Variants in RBFOX1 observed in about 807,000 individuals in gnomAD.
RBFOX1 encodes RNA binding fox-1 homolog 1.
A neutral mutation model predicts 57.7 loss-of-function variants in RBFOX1; 8 were observed. That is an observed-to-expected ratio of 0.14 (90% CI 0.08 to 0.25). The LOEUF is 0.25. Among genes scored for constraint, RBFOX1 ranks in the 10% least tolerant of loss-of-function variants. RBFOX1 has a pLI of 1.00. For synonymous variants in RBFOX1, 326 were observed against 222.4 expected (o/e 1.47, Z -4.15); for missense variants, 611 against 548.5 (o/e 1.11, Z -1.14).
At chr16:7,276,782 G>C (rs7202295) in intron 4 of RBFOX1, among the ~76,000 whole-genome samples, 19,917 of 152,188 alleles carry the variant, frequency 0.13, 1,594 homozygotes, top group Middle Eastern at 0.22. Context: ...ATAAAATACT[G>C]ATTATGCTAC....
chr16:5,826,976 C>G (rs1223859659), intron 3 of RBFOX1, among the ~76,000 whole-genome samples: 4 of 152,158 alleles, frequency 2.6e-5, no homozygotes, highest in Admixed American at 2.0e-4. Flanking sequence ...TCTAGTGCAC[C>G]TTCAATGACA....
chr16:6,217,451 C>A (rs2097343176), intron 1 of RBFOX1, among the ~76,000 whole-genome samples: 2 of 152,072 alleles, frequency 1.3e-5, no homozygotes, highest in African/African-American at 4.8e-5. Context: ...ATTATCGGGA[C>A]CTTCCTGGGA....
chr16:5,450,622 G>T (rs2068394162), intron 1 of RBFOX1, among the ~76,000 whole-genome samples: 1 of 152,174 alleles, frequency 6.6e-6, no homozygotes, highest in Non-Finnish European at 1.5e-5. Flanking sequence ...CTCCACAGGG[G>T]GATCTCAGTG....
intron 4 of RBFOX1, among the ~76,000 whole-genome samples, chr16:7,142,696 A>G (rs2074086945): frequency 6.6e-6 from 1 of 152,184 alleles, no homozygotes; most frequent in Non-Finnish European, 1.5e-5. Flanking sequence ...TGTCTTTAAT[A>G]TGTGTCTCCC....
At chr16:5,453,787 T>C (rs1250957593) in intron 1 of RBFOX1, among the ~76,000 whole-genome samples, 1 of 152,214 alleles carries the variant, frequency 6.6e-6, no homozygotes, top group Non-Finnish European at 1.5e-5. Context: ...ATATAATTGA[T>C]ATCCTGACTA....
chr16:7,035,829 CAT>C (rs968646762), intron 3 of RBFOX1, among the ~76,000 whole-genome samples: 9 of 152,052 alleles, frequency 5.9e-5, no homozygotes, highest in Admixed American at 1.3e-4. Flanking sequence ...TTGTGTGAAG[CAT>C]ATGTCTTCCA....
chr16:6,508,193 A>T (rs556798938), intron 2 of RBFOX1, among the ~76,000 whole-genome samples: 1 of 152,120 alleles, frequency 6.6e-6, no homozygotes, highest in Admixed American at 6.5e-5. Context: ...GAGTGAAACA[A>T]CACATCCTGG....
At chr16:5,907,665 C>T (rs1046496010) in intron 4 of RBFOX1, among the ~76,000 whole-genome samples, 5 of 152,056 alleles carry the variant, frequency 3.3e-5, no homozygotes, top group Admixed American at 6.6e-5. Context: ...GGGGAAGTTC[C>T]ACAAAGACAT....
In RBFOX1 at chr16:7,518,169, C is replaced by T; in HGVS notation, c.50C>T (p.Ala17Val). ...QLRGNQEAAA[A>V]PDTMAQPYAS... ...CAGGGTAATCAGGAAGCAGCCGCTG[C>T]CCCTGACACAATGGCTCAGCCTTAC... The change falls in exon 5 of 16, where the codon GCC (alanine) becomes GTC (valine). Residue 17 changes from alanine to valine, a missense_variant. Around this residue, in one of 3 missense-constraint regions of RBFOX1, gnomAD observed 245 missense variants for 159.1 expected, o/e 1.54. Transcript: ENST00000550418. 3.1e-6 allele frequency: 5 copies of T among 1,613,026 alleles called. No homozygotes were observed. The South Asian group carries it at 4.4e-5, about 14-fold the overall frequency.
intron 1 of RBFOX1, among the ~76,000 whole-genome samples, chr16:5,376,529 G>A (rs117633912): frequency 0.01 from 1,595 of 152,262 alleles, 13 homozygotes; most frequent in Middle Eastern, 0.017. Context: ...GGGAGAGTCG[G>A]GAAAGGCAGC....
chr16:7,250,639 T>A (rs190108794), intron 4 of RBFOX1, among the ~76,000 whole-genome samples: 1 of 152,336 alleles, frequency 6.6e-6, no homozygotes, highest in East Asian at 1.9e-4. Flanking sequence ...AGCAAGCATT[T>A]AGAGGAGTGC....
intron 1 of RBFOX1, among the ~76,000 whole-genome samples, chr16:5,362,060 TA>T (rs1212855144): frequency 1.3e-5 from 2 of 152,260 alleles, no homozygotes; most frequent in Non-Finnish European, 2.9e-5. Context: ...TAAATTGTAG[TA>T]AGAACATTTA....
At chr16:6,308,092 A>G (rs2079754897) in intron 1 of RBFOX1, among the ~76,000 whole-genome samples, 1 of 151,006 alleles carries the variant, frequency 6.6e-6, no homozygotes, top group African/African-American at 2.4e-5. Flanking sequence ...TCATTTATTT[A>G]TTTAGGTTAT....
intron 4 of RBFOX1, chr16:7,328,784 A>C (rs2096646765): frequency 6.6e-6 from 1 of 152,310 alleles, no homozygotes; most frequent in East Asian, 1.9e-4. Context: ...GTGGGGAAGC[A>C]GAAAGGAACA....
chr16:6,371,595 C>G (rs1361345509), intron 2 of RBFOX1, among the ~76,000 whole-genome samples: 1 of 152,028 alleles, frequency 6.6e-6, no homozygotes. Context: ...TATATCTTGA[C>G]TTTTCTTGCC....
At chr16:6,861,251 C>T (rs1466884081) in intron 3 of RBFOX1, among the ~76,000 whole-genome samples, 1 of 152,094 alleles carries the variant, frequency 6.6e-6, no homozygotes, top group African/African-American at 2.4e-5. Flanking sequence ...TTTTTGAGCA[C>T]CACACTCTAA....
At chr16:5,629,162 G>C (rs2048430122) in intron 3 of RBFOX1, among the ~76,000 whole-genome samples, 2 of 152,182 alleles carry the variant, frequency 1.3e-5, no homozygotes, top group Admixed American at 1.3e-4. Flanking sequence ...TGAGAGTACA[G>C]GGCTGGATAA....
chr16:6,201,713 A>C (rs1466702586), intron 1 of RBFOX1, among the ~76,000 whole-genome samples: 1 of 152,204 alleles, frequency 6.6e-6, no homozygotes, highest in African/African-American at 2.4e-5. Context: ...GCTTGAGGTG[A>C]TGGATACCCC....
At chr16:5,459,680 C>G (rs1212144827) in intron 1 of RBFOX1, among the ~76,000 whole-genome samples, 1 of 152,066 alleles carries the variant, frequency 6.6e-6, no homozygotes, top group Non-Finnish European at 1.5e-5. Context: ...AATGAGAGGT[C>G]ATGATCTTAA....
Sources: allele counts gnomAD v4.1 joint callset (sites outside exome capture counted in the v4.1 genomes callset), GRCh38; gene constraint gnomAD v4.1.1; regional missense constraint gnomAD v4.1.1; transcripts MANE v1.5; gene names NCBI Gene and HGNC (gene_info 2026-07-23, HGNC 2026-07-21).